GPR39: variants seen among roughly 807,000 people sequenced by gnomAD.
GPR39 encodes the protein G protein-coupled receptor 39.
A neutral mutation model predicts 18.4 loss-of-function variants in GPR39; 23 were observed. That is an observed-to-expected ratio of 1.25 (90% CI 0.90 to 1.77). The LOEUF (loss-of-function observed/expected upper bound fraction) is 1.77, where lower values mean the gene tolerates loss of function less well. Among genes scored for constraint, GPR39 ranks in the 40% most tolerant of loss-of-function variants. The pLI is 0.00. For synonymous variants in GPR39, 280 were observed against 257.9 expected (o/e 1.09, Z -0.82); for missense variants, 647 against 602.4 (o/e 1.07, Z -0.78).
intron 1 of GPR39, among the ~76,000 whole-genome samples, chr2:132,532,943 G>T (rs1469057419): frequency 6.6e-6 from 1 of 152,098 alleles, no homozygotes; most frequent in Non-Finnish European, 1.5e-5. Context: ...CACAAGACAG[G>T]GATGCCCTCT....
intron 1 of GPR39, among the ~76,000 whole-genome samples, chr2:132,624,106 A>G (rs1681497977): frequency 6.6e-6 from 1 of 152,168 alleles, no homozygotes; most frequent in African/African-American, 2.4e-5. Flanking sequence ...ACAGACATAT[A>G]TTGTCTCACA....
At chr2:132,543,724 G>A (rs1161202869) in intron 1 of GPR39, among the ~76,000 whole-genome samples, 1 of 152,140 alleles carries the variant, frequency 6.6e-6, no homozygotes, top group African/African-American at 2.4e-5. Flanking sequence ...ATTTGTAATG[G>A]ATCTTTGTTA....
At chr2:132,602,792 A>G (rs1396538870) in intron 1 of GPR39, among the ~76,000 whole-genome samples, 1 of 151,944 alleles carries the variant, frequency 6.6e-6, no homozygotes, top group Non-Finnish European at 1.5e-5. Context: ...AAAAAATTCA[A>G]CATCACTAAT....
chr2:132,594,322 C>G (rs897069609), intron 1 of GPR39, among the ~76,000 whole-genome samples: 3 of 152,060 alleles, frequency 2.0e-5, no homozygotes, highest in African/African-American at 7.2e-5. Flanking sequence ...CTAAAATGAT[C>G]TCTCAGTCTA....
chr2:132,633,909 T>C (rs533703808), intron 1 of GPR39, among the ~76,000 whole-genome samples: 1 of 146,376 alleles, frequency 6.8e-6, no homozygotes, highest in Non-Finnish European at 1.5e-5. Context: ...GTGATAATAA[T>C]GGTGGTGGTG....
At chr2:132,539,190 G>C (rs973721108) in intron 1 of GPR39, among the ~76,000 whole-genome samples, 2 of 152,140 alleles carry the variant, frequency 1.3e-5, no homozygotes, top group Non-Finnish European at 2.9e-5. Context: ...TGGTGGTGTA[G>C]ATGCACAAGG....
intron 1 of GPR39, among the ~76,000 whole-genome samples, chr2:132,450,876 T>G (rs1458815969): frequency 6.6e-6 from 1 of 152,192 alleles, no homozygotes; most frequent in Non-Finnish European, 1.5e-5. Flanking sequence ...CCAATTATGG[T>G]CTGGAACCAA....
Position 132,540,896 on chromosome 2 carries a change from T to C in GPR39, c.857-104205T>C, listed in dbSNP as rs574911261. On this transcript the variant is annotated intron_variant, in intron 1 of 1. Transcript: ENST00000329321. ...AAAGGAAAAGAATCTCTGTAAAACC[T>C]GGGAATCAATCTGACTGGTGATGCT... 8.1e-4 allele frequency among the ~76,000 whole-genome samples: 123 copies of C among 152,044 alleles called. 2 individuals carry two copies. Among genetic ancestry groups the C allele is most frequent in the African/African-American group, 2.8e-3 (116 of 41,468 alleles).
chr2:132,443,290 A>T (rs542019804), intron 1 of GPR39, among the ~76,000 whole-genome samples: 48 of 152,338 alleles, frequency 3.2e-4, no homozygotes, highest in African/African-American at 1.1e-3. Flanking sequence ...TTATTGCGTA[A>T]CTCATCCAAT....
At chr2:132,556,460 G>C (rs962181333) in intron 1 of GPR39, among the ~76,000 whole-genome samples, 1 of 152,094 alleles carries the variant, frequency 6.6e-6, no homozygotes, top group African/African-American at 2.4e-5. Context: ...TACACCATTG[G>C]CTCTAAGCAA....
At chr2:132,618,388 GC>G (rs1197114895) in intron 1 of GPR39, among the ~76,000 whole-genome samples, 1 of 152,184 alleles carries the variant, frequency 6.6e-6, no homozygotes, top group African/African-American at 2.4e-5. Context: ...TTGAGTTGTT[GC>G]TTTTTTGAGA....
chr2:132,629,007 A>T (rs1447791828), intron 1 of GPR39, among the ~76,000 whole-genome samples: 3 of 152,144 alleles, frequency 2.0e-5, no homozygotes, highest in Non-Finnish European at 2.9e-5. Context: ...CAAGAACAGT[A>T]TCTGGGAGGT....
At chr2:132,564,269 C>G (rs927716250) in intron 1 of GPR39, among the ~76,000 whole-genome samples, 7 of 152,152 alleles carry the variant, frequency 4.6e-5, no homozygotes, top group African/African-American at 1.7e-4. Context: ...ACCTGCACCA[C>G]CAGCCAAGCA....
intron 1 of GPR39, among the ~76,000 whole-genome samples, chr2:132,611,764 ATTTC>A (rs1179109922): frequency 6.6e-6 from 1 of 152,058 alleles, no homozygotes; most frequent in Non-Finnish European, 1.5e-5. Context: ...TACAGTGTAA[ATTTC>A]TTTCTTTCTT....
chr2:132,445,606 C>T (rs986142782), intron 1 of GPR39, among the ~76,000 whole-genome samples: 2 of 152,114 alleles, frequency 1.3e-5, no homozygotes, highest in Non-Finnish European at 2.9e-5. Context: ...TCTTTCATTG[C>T]TTTATAAGGC....
intron 1 of GPR39, among the ~76,000 whole-genome samples, chr2:132,436,775 G>A (rs73955649): frequency 0.15 from 23,085 of 152,100 alleles, 1,931 homozygotes; most frequent in African/African-American, 0.22. Flanking sequence ...GCTTCTGCTC[G>A]GTCCATCTCT....
chr2:132,529,012 C>G (rs1323619169), intron 1 of GPR39, among the ~76,000 whole-genome samples: 2 of 152,098 alleles, frequency 1.3e-5, no homozygotes, highest in South Asian at 2.1e-4. Context: ...GAGTGCCAGA[C>G]AGTGGGTGCA....
chr2:132,502,810 C>T (rs1679071587), intron 1 of GPR39, among the ~76,000 whole-genome samples: 1 of 152,156 alleles, frequency 6.6e-6, no homozygotes, highest in African/African-American at 2.4e-5. Context: ...AATTCAAAAG[C>T]CTTGTCTTCG....
chr2:132,560,542 A>T (rs986654570), intron 1 of GPR39, among the ~76,000 whole-genome samples: 8 of 152,212 alleles, frequency 5.3e-5, no homozygotes, highest in South Asian at 2.1e-4. Context: ...GAAATGGCTC[A>T]TCTGGAGTTA....
Sources: gnomAD v4.1 joint callset for allele counts (sites outside exome capture counted in the v4.1 genomes callset) on GRCh38, gnomAD v4.1.1 for gene constraint, MANE v1.5 for transcripts, NCBI Gene and HGNC (gene_info 2026-07-23, HGNC 2026-07-21) for gene names.